Variants in PTPRO observed in about 807,000 individuals in gnomAD.
The protein encoded by PTPRO is receptor-type tyrosine-protein phosphatase O.
A neutral mutation model predicts 145.2 loss-of-function variants in PTPRO; 62 were observed. That is an observed-to-expected ratio of 0.43 (90% CI 0.35 to 0.53). The LOEUF (loss-of-function observed/expected upper bound fraction) is 0.53. Ranked by LOEUF, PTPRO falls within the 20% of genes least tolerant of loss-of-function variation. The pLI, the probability that PTPRO is intolerant of heterozygous loss-of-function variation, is 0.01. For missense variants in PTPRO, 1,345 were observed against 1,482.7 expected, an observed-to-expected ratio of 0.91 and a Z score of 1.53; for synonymous variants, 565 against 514.7, an observed-to-expected ratio of 1.10 and a Z score of -1.32.
intron 5 of PTPRO, among the ~76,000 whole-genome samples, chr12:15,502,597 T>C (rs1038593672): frequency 2.0e-5 from 3 of 152,170 alleles, no homozygotes; most frequent in South Asian, 2.1e-4. Flanking sequence ...GAGAAGCTGA[T>C]AGTAAAATGG....
At chr12:15,529,161 C>A (rs1942905834) in intron 12 of PTPRO, among the ~76,000 whole-genome samples, 1 of 152,056 alleles carries the variant, frequency 6.6e-6, no homozygotes, top group Admixed American at 6.5e-5. Context: ...TGGTATAAAG[C>A]CCAAAAGACA....
At chr12:15,507,462 T>A (rs1438285472) in intron 6 of PTPRO, among the ~76,000 whole-genome samples, 3 of 133,596 alleles carry the variant, frequency 2.2e-5, no homozygotes, top group Non-Finnish European at 5.0e-5. Flanking sequence ...AGGAATGAAA[T>A]ACGTAACACA....
At chr12:15,471,067 T>A (rs1042289612) in intron 1 of PTPRO, among the ~76,000 whole-genome samples, 3 of 151,858 alleles carry the variant, frequency 2.0e-5, no homozygotes, top group African/African-American at 7.3e-5. Context: ...GAGATGGGAG[T>A]CCCTTTACCA....
rs1017130555 is a variant in PTPRO at position 15,596,097 on chromosome 12, C to T, written c.*24C>T. The T allele has an allele frequency of 6.6e-6, 1 of 152,264 alleles. No individual in the cohort carries two copies. Among genetic ancestry groups the T allele is most frequent in the African/African-American group, 2.4e-5 (1 of 41,434 alleles). 9.4% of individuals were successfully genotyped at this position (152,264 alleles called of 1,614,324 possible). ...TCTTTGTCTCATTCACAGGAGAGGA[C>T]ATGATGTGCGCCCATCCTCCCTTGC... is the stretch of plus-strand genomic sequence containing the variant. On this transcript the variant is annotated 3_prime_UTR_variant, in exon 27 of 27. Coordinates refer to ENST00000281171, the MANE Select transcript of PTPRO (RefSeq NM_030667.3).
intron 1 of PTPRO, among the ~76,000 whole-genome samples, chr12:15,473,661 G>A (rs984572756): frequency 1.1e-4 from 17 of 151,584 alleles, no homozygotes; most frequent in African/African-American, 4.1e-4. Context: ...CAGCTACTCG[G>A]GAGGCTGAGG....
chr12:15,341,656 C>T (rs1205669976), intron 1 of PTPRO, among the ~76,000 whole-genome samples: 1 of 152,160 alleles, frequency 6.6e-6, no homozygotes, highest in Admixed American at 6.5e-5. Flanking sequence ...TATAGAGTTC[C>T]ATCACTTGAA....
rs549592609 is a variant in PTPRO at position 15,548,825 on chromosome 12, T to C, written c.2305-269T>C. Among the ~76,000 whole-genome samples, 909 of 152,242 alleles carry C rather than the reference T, an allele frequency of 6.0e-3. 6 individuals carry two copies. The highest frequency in any genetic ancestry group is 0.021 in the African/African-American group (864 of 41,542). On this transcript the variant is annotated intron_variant, in intron 13 of 26. Coordinates refer to ENST00000281171, the MANE Select transcript of PTPRO (RefSeq NM_030667.3). ...TGTGTAGGCTAAGCCATCACTTATG[T>C]TTTTTAACTGTGTCATATATGTTCA...
chr12:15,361,229 A>G (rs1938196994), intron 1 of PTPRO, among the ~76,000 whole-genome samples: 1 of 151,714 alleles, frequency 6.6e-6, no homozygotes, highest in Admixed American at 6.6e-5. Context: ...CGAGGTTAGG[A>G]GATCAAGACC....
intron 1 of PTPRO, among the ~76,000 whole-genome samples, chr12:15,391,576 C>T (rs746185242): frequency 1.8e-4 from 28 of 152,184 alleles, no homozygotes; most frequent in Non-Finnish European, 2.8e-4. Flanking sequence ...TCCTTCATGT[C>T]CCCATTGCAT....
chr12:15,442,459 C>A (rs918197082), intron 1 of PTPRO, among the ~76,000 whole-genome samples: 8 of 152,140 alleles, frequency 5.3e-5, no homozygotes, highest in Non-Finnish European at 8.8e-5. Context: ...CCACTCTCAC[C>A]ACTCCTATTC....
chr12:15,569,595 G>A (rs946931209), intron 19 of PTPRO, 97 bp downstream of exon 19: 42 of 1,076,230 alleles, frequency 3.9e-5, no homozygotes, highest in African/African-American at 6.3e-5. Context: ...CTGGCAGTGC[G>A]TAACAAAAAG....
chr12:15,558,376 A>G (rs1286052614), intron 16 of PTPRO, among the ~76,000 whole-genome samples: 1 of 152,234 alleles, frequency 6.6e-6, no homozygotes, highest in Middle Eastern at 3.2e-3. Context: ...ATAAGAAAAC[A>G]TGGCTTCATT....
chr12:15,567,614 A>G lies in PTPRO; in HGVS notation c.2748-1803A>G, dbSNP rs559897994. 9.2e-5 allele frequency among the ~76,000 whole-genome samples: 14 copies of G among 152,240 alleles called. No homozygotes were observed. In the South Asian group the frequency reaches 2.9e-3, roughly 32 times the overall value. On this transcript the variant is annotated intron_variant, in intron 18 of 26. Coordinates refer to ENST00000281171, the MANE Select transcript of PTPRO (RefSeq NM_030667.3). ...GCCCATTTTCCTAGTAACAAGATGA[A>G]AGCTAGAGTTGTTAAATCCAACTTT...
At chr12:15,539,551 C>T (rs1369539686) in intron 12 of PTPRO, among the ~76,000 whole-genome samples, 2 of 151,744 alleles carry the variant, frequency 1.3e-5, no homozygotes, top group African/African-American at 4.8e-5. Context: ...CACTTGAGGC[C>T]GGGAGTTCGA....
intron 12 of PTPRO, among the ~76,000 whole-genome samples, chr12:15,534,614 T>G (rs1192644029): frequency 1.3e-5 from 2 of 152,120 alleles, no homozygotes; most frequent in East Asian, 3.9e-4. Flanking sequence ...ATGGAGGCTA[T>G]GGTCTGAATA....
At chr12:15,391,927 A>G (rs1419291289) in intron 1 of PTPRO, among the ~76,000 whole-genome samples, 6 of 152,170 alleles carry the variant, frequency 3.9e-5, no homozygotes, top group Non-Finnish European at 5.9e-5. Context: ...ACAGCACCAT[A>G]TAACAGCCAT....
chr12:15,346,784 T>C (rs1867232545), intron 1 of PTPRO, among the ~76,000 whole-genome samples: 1 of 152,234 alleles, frequency 6.6e-6, no homozygotes, highest in African/African-American at 2.4e-5. Flanking sequence ...AAATCTGTCA[T>C]CTTACTTCCC....
intron 7 of PTPRO, among the ~76,000 whole-genome samples, chr12:15,512,272 G>A (rs916516629): frequency 4.6e-5 from 7 of 151,982 alleles, no homozygotes; most frequent in Admixed American, 1.3e-4. Flanking sequence ...GAGCCACCAC[G>A]CCTCACTAAT....
At chr12:15,498,419 G>C (rs191588988) in intron 3 of PTPRO, among the ~76,000 whole-genome samples, 1 of 152,060 alleles carries the variant, frequency 6.6e-6, no homozygotes, top group African/African-American at 2.4e-5. Flanking sequence ...CTAGCCGGGC[G>C]TGGTGGCGGG....
Sources: gnomAD v4.1 joint callset for allele counts (sites outside exome capture counted in the v4.1 genomes callset) on GRCh38, gnomAD v4.1.1 for gene constraint, MANE v1.5 for transcripts, NCBI Gene and HGNC (gene_info 2026-07-23, HGNC 2026-07-21) for gene names.